EXD3: variants seen among roughly 807,000 people sequenced by gnomAD.
EXD3 encodes exonuclease 3'-5' domain containing 3.
EXD3 carries 92 observed loss-of-function variants against 98.0 expected under a neutral mutation model. The observed-to-expected ratio is 0.94, with a 90% CI of 0.79 to 1.12. The LOEUF (loss-of-function observed/expected upper bound fraction) is 1.12, where lower values mean the gene tolerates loss of function less well. Among genes scored for constraint, EXD3 ranks in the 50% most tolerant of loss-of-function variants. The pLI is 0.00. For synonymous variants in EXD3, 569 were observed against 526.0 expected (o/e 1.08, Z -1.12); for missense variants, 1,222 against 1,191.6 (o/e 1.03, Z -0.38).
intron 7 of EXD3, among the ~76,000 whole-genome samples, chr9:137,358,321 T>C (rs1205300745): frequency 6.6e-6 from 1 of 152,016 alleles, no homozygotes; most frequent in Non-Finnish European, 1.5e-5. Flanking sequence ...CCAGCAAGGG[T>C]CTCACCTGTG....
chr9:137,353,878 G>A (rs960866856), intron 10 of EXD3: 13 of 988,830 alleles, frequency 1.3e-5, no homozygotes, highest in East Asian at 1.1e-4. Flanking sequence ...CTGCTTCCCC[G>A]GCGTGGGTTC....
At chr9:137,359,212 G>A (rs566523315) in intron 7 of EXD3, among the ~76,000 whole-genome samples, 1 of 83,010 alleles carries the variant, frequency 1.2e-5, no homozygotes, top group African/African-American at 3.3e-5. Context: ...CTCATGATCT[G>A]CCTGCCTCGG....
chr9:137,382,832 C>T (rs1229470845), intron 3 of EXD3, among the ~76,000 whole-genome samples: 3 of 152,310 alleles, frequency 2.0e-5, no homozygotes, highest in South Asian at 4.1e-4. Context: ...CCGGAATCCG[C>T]GTCTGCCCCC....
Position 137,395,122 on chromosome 9 carries a change from A to C in EXD3, c.55+181T>G, listed in dbSNP as rs548233949. Among the ~76,000 whole-genome samples the C allele has an allele frequency of 6.6e-6, 1 of 152,052 alleles. No individual in the cohort carries two copies. Among genetic ancestry groups the C allele is most frequent in the Non-Finnish European group, 1.5e-5 (1 of 67,996 alleles). On this transcript the variant is annotated intron_variant, in intron 2 of 21. Coordinates refer to ENST00000340951, the MANE Select transcript of EXD3 (RefSeq NM_017820.5). The surrounding 1 kb of genome is among the most constrained non-coding windows in gnomAD (Gnocchi z 6.5). ...TGACCCCCGAGGACAACAAGGCCAC[A>C]GTGGGGCCTCCGGACTCACAAGGTC...
chr9:137,364,027 T>C (rs1835108722), intron 7 of EXD3, among the ~76,000 whole-genome samples: 3 of 152,160 alleles, frequency 2.0e-5, no homozygotes, highest in Non-Finnish European at 1.5e-5. Flanking sequence ...AGTTGCAATA[T>C]GGTGATTTTT....
At chr9:137,374,808 T>C in intron 3 of EXD3, 1 of 985,504 alleles carries the variant, frequency 1.0e-6, no homozygotes, top group Non-Finnish European at 1.2e-6. Context: ...CCTGAGCATC[T>C]CAAGCATCTG....
At chr9:137,378,767 A>C (rs1836042640) in intron 3 of EXD3, among the ~76,000 whole-genome samples, 1 of 152,268 alleles carries the variant, frequency 6.6e-6, no homozygotes, top group African/African-American at 2.4e-5. Context: ...ATGTGACCGC[A>C]TGTGTGTGAA....
At chr9:137,342,136 G>C (rs186631824) in intron 17 of EXD3, among the ~76,000 whole-genome samples, 21 of 15,854 alleles carry the variant, frequency 1.3e-3, no homozygotes, top group African/African-American at 5.2e-3. Flanking sequence ...CAGAGGAAAC[G>C]GGGCTCAGGC....
At chr9:137,368,862 C>T (rs972182757) in intron 5 of EXD3, among the ~76,000 whole-genome samples, 2 of 148,762 alleles carry the variant, frequency 1.3e-5, no homozygotes, top group African/African-American at 5.0e-5. Context: ...GCGGGGGTCT[C>T]AGGGCCGTGG....
chr9:137,383,755 C>T (rs1298616640), intron 2 of EXD3, among the ~76,000 whole-genome samples: 1 of 152,238 alleles, frequency 6.6e-6, no homozygotes, highest in Non-Finnish European at 1.5e-5. Flanking sequence ...CACCCAAACC[C>T]TGCACCGCAG....
At chr9:137,337,449 C>A (rs7037620) in intron 17 of EXD3, among the ~76,000 whole-genome samples, 1 of 151,624 alleles carries the variant, frequency 6.6e-6, no homozygotes, top group Non-Finnish European at 1.5e-5. Flanking sequence ...TCAGGAGTTC[C>A]AGACCAGCCT....
Position 137,405,490 on chromosome 9 carries a change from C to G in EXD3, c.-47-10086G>C, listed in dbSNP as rs1837672642. Among the ~76,000 whole-genome samples the G allele has an allele frequency of 6.6e-6, 1 of 152,164 alleles. No homozygotes were observed. Among genetic ancestry groups the G allele is most frequent in the Non-Finnish European group, 1.5e-5 (1 of 68,026 alleles). On this transcript the variant is annotated intron_variant, in intron 1 of 21. Coordinates refer to ENST00000340951, the MANE Select transcript of EXD3 (RefSeq NM_017820.5). The surrounding 1 kb of genome is among the most constrained non-coding windows in gnomAD (Gnocchi z 4.1). ...CCGTCGCAGGCCACTCACCCGTCCC[C>G]AGCCACTCACCCGTCCCCAGCATCC...
At chr9:137,336,933 G>A (rs1473385369) in intron 17 of EXD3, among the ~76,000 whole-genome samples, 3 of 151,676 alleles carry the variant, frequency 2.0e-5, no homozygotes, top group Admixed American at 6.6e-5. Context: ...AACATAAAAG[G>A]ACTAAACTAA....
Position 137,349,413 on chromosome 9 carries a change from T to A in EXD3, c.1613A>T (p.Asn538Ile). ...TALDKTQQLS[N>I]WDRRPLCEEQ... Reference sequence around the variant, plus strand: ...CTCGCAGAGCGGCCTCCGGTCCCAGTTGGACAGCTGCTGCGTCTTGTCCAG... The same window carrying A: ...CTCGCAGAGCGGCCTCCGGTCCCAGATGGACAGCTGCTGCGTCTTGTCCAG... Residue 538 changes from asparagine (N) to isoleucine (I), a missense_variant, in exon 15 of 22, where the codon AAC becomes ATC. Coordinates refer to ENST00000340951, the MANE Select transcript of EXD3 (RefSeq NM_017820.5). This position sits in a 1 kb window ranked among gnomAD's most constrained non-coding sequence, Gnocchi z 7.4. The A allele has an allele frequency of 1.3e-6, 2 of 1,599,316 alleles. No individual in the cohort carries two copies. Among genetic ancestry groups the A allele is most frequent in the South Asian group, 2.2e-5 (2 of 89,888 alleles).
rs187670557 is a variant in EXD3, at chr9:137,373,216, G to A, written c.295-144C>T. ...CGGGTGGTCTGCAGGGCTGGGGCACGGGAGGGGCGAGGCCGGTCTCAGCAC... is the reference window on the plus strand; with the variant it reads ...CGGGTGGTCTGCAGGGCTGGGGCACAGGAGGGGCGAGGCCGGTCTCAGCAC... On this transcript the variant is annotated intron_variant, in intron 4 of 21. Coordinates refer to ENST00000340951, the MANE Select transcript of EXD3 (RefSeq NM_017820.5). The A allele has an allele frequency of 5.2e-5, 60 of 1,164,834 alleles. No individual in the cohort carries two copies. In the African/African-American group the frequency reaches 6.3e-4, roughly 12 times the overall value. The allele number at this position is 1,164,834 out of a possible 1,614,324, so 72.2% of individuals were successfully genotyped here.
rs1284586674 is a variant in EXD3 at position 137,403,994 on chromosome 9, T to A, written c.-47-8590A>T. On this transcript the variant is annotated intron_variant, in intron 1 of 21. Coordinates refer to ENST00000340951, the MANE Select transcript of EXD3 (RefSeq NM_017820.5). The surrounding 1 kb of genome is among the most constrained non-coding windows in gnomAD (Gnocchi z 6.1). ...ACAGGGCGCGAGTGACAGGGACGTG[T>A]GTCCTCACTGTCCCGAGGCTGCAGC... Among the ~76,000 whole-genome samples the A allele has an allele frequency of 6.7e-6, 1 of 150,290 alleles. No individual in the cohort carries two copies. Among genetic ancestry groups the A allele is most frequent in the Non-Finnish European group, 1.5e-5 (1 of 67,556 alleles).
chr9:137,416,627 G>A (rs1406110977), intron 1 of EXD3, among the ~76,000 whole-genome samples: 1 of 152,194 alleles, frequency 6.6e-6, no homozygotes, highest in Non-Finnish European at 1.5e-5. Context: ...TGGGCAACCC[G>A]GCTCAGAGCA....
At chr9:137,417,203 C>A (rs1454737165) in intron 1 of EXD3, among the ~76,000 whole-genome samples, 2 of 152,146 alleles carry the variant, frequency 1.3e-5, no homozygotes, top group East Asian at 3.9e-4. Context: ...ACACACGGGT[C>A]TGGACTCGCA....
chr9:137,345,635 C>G (rs1024716855), intron 17 of EXD3: 1 of 141,738 alleles, frequency 7.1e-6, no homozygotes, highest in Admixed American at 8.1e-5. Flanking sequence ...GCACTCCAGC[C>G]TGGGCAACAG....
Sources: gnomAD v4.1 joint callset for allele counts (sites outside exome capture counted in the v4.1 genomes callset) on GRCh38, gnomAD v4.1.1 for gene constraint, Gnocchi (gnomAD v3.1) non-coding constraint, MANE v1.5 for transcripts, NCBI Gene and HGNC (gene_info 2026-07-23, HGNC 2026-07-21) for gene names.